The following USP45 variants were observed in gnomAD, a reference collection of about 807,000 sequenced individuals.
The protein encoded by USP45 is ubiquitin specific peptidase 45.
A neutral mutation model predicts 95.8 loss-of-function variants in USP45; 89 were observed. That is an observed-to-expected ratio of 0.93 (90% CI 0.78 to 1.11). The LOEUF is 1.11. USP45 is among the 50% of genes least tolerant of loss of function. USP45 has a pLI of 0.00. For synonymous variants in USP45, 281 were observed against 316.2 expected, an observed-to-expected ratio of 0.89 and a Z score of 1.18; for missense variants, 898 against 942.5, an observed-to-expected ratio of 0.95 and a Z score of 0.62.
intron 13 of USP45, among the ~76,000 whole-genome samples, chr6:99,452,228 T>G (rs750400630): frequency 6.6e-6 from 1 of 152,062 alleles, no homozygotes; most frequent in East Asian, 1.9e-4. Context: ...GAAACTACCA[T>G]CAGAGTGAAC....
intron 14 of USP45, among the ~76,000 whole-genome samples, chr6:99,445,114 C>T (rs1004202332): frequency 2.0e-5 from 3 of 152,168 alleles, no homozygotes; most frequent in East Asian, 1.9e-4. Context: ...ATTTATCTTA[C>T]GTTGAGTTTA....
At chr6:99,470,281 C>T (rs2128648952) in intron 9 of USP45, among the ~76,000 whole-genome samples, 1 of 152,242 alleles carries the variant, frequency 6.6e-6, no homozygotes, top group East Asian at 1.9e-4. Context: ...TGCCCTGCTG[C>T]CTGGATAAGC....
At position 99,468,534 on chromosome 6, in the gene USP45, T is replaced by A; in HGVS notation, c.1015+3A>T. The A allele has an allele frequency of 6.3e-7, 1 of 1,583,508 alleles. No individual in the cohort carries two copies. Among genetic ancestry groups the A allele is most frequent in the Non-Finnish European group, 8.6e-7 (1 of 1,157,618 alleles). On this transcript the variant is annotated splice_donor_region_variant and intron_variant, in intron 10 of 17. Coordinates refer to ENST00000500704, the MANE Select transcript of USP45 (RefSeq NM_001346022.3). ...AAAAAGTTTTAACAAAGAGTCAACA[T>A]ACCTTTGACTTTTTTTCTAGTTTCA...
At chr6:99,456,243 G>C (rs1785065979) in intron 13 of USP45, among the ~76,000 whole-genome samples, 2 of 151,772 alleles carry the variant, frequency 1.3e-5, no homozygotes, top group Non-Finnish European at 1.5e-5. Context: ...GCTAAAAAGA[G>C]AGGTATGTTA....
In USP45 at chr6:99,445,829, T is replaced by C. The variant is rs761903649; in HGVS notation, c.1943A>G (p.Lys648Arg). The C allele has an allele frequency of 1.3e-6, 2 of 1,585,070 alleles. No individual in the cohort carries two copies. The highest frequency in any genetic ancestry group is 1.4e-5 in the African/African-American group (1 of 73,302). Reference protein sequence around the residue: ...KLLCENCTKNKQKYQEETSFA... With the variant: ...KLLCENCTKNRQKYQEETSFA... ...ACTGGTTTCTTCTTGGTACTTCTGT[T>C]TGTTTTTAGTACAATTCTCACATAG... The change falls in exon 14 of 18, where the codon AAA (lysine) becomes AGA (arginine). Residue 648 changes from lysine (K) to arginine (R), a missense_variant. Coordinates refer to ENST00000500704, the MANE Select transcript of USP45 (RefSeq NM_001346022.3).
intron 8 of USP45, among the ~76,000 whole-genome samples, chr6:99,480,307 G>A (rs759950489): frequency 2.5e-4 from 36 of 143,674 alleles, no homozygotes; most frequent in Non-Finnish European, 4.5e-4. Flanking sequence ...TTGTTAAGAT[G>A]TTGATTCTCC....
chr6:99,486,919 C>T (rs1324180260), intron 7 of USP45, among the ~76,000 whole-genome samples: 3 of 152,134 alleles, frequency 2.0e-5, no homozygotes, highest in African/African-American at 7.2e-5. Context: ...CAGCCAAAGT[C>T]CATCAGAAAC....
chr6:99,506,908 T>TA (rs1283092503), intron 4 of USP45, among the ~76,000 whole-genome samples: 1 of 152,032 alleles, frequency 6.6e-6, no homozygotes, highest in Non-Finnish European at 1.5e-5. Context: ...AGGAAAATGA[T>TA]AGAGAAAAGT....
At chr6:99,465,537 T>C (rs1433277347) in intron 11 of USP45, among the ~76,000 whole-genome samples, 2 of 152,200 alleles carry the variant, frequency 1.3e-5, no homozygotes, top group African/African-American at 4.8e-5. Flanking sequence ...TTATAGATTC[T>C]TTAAGATAAT....
intron 13 of USP45, among the ~76,000 whole-genome samples, chr6:99,449,038 G>A (rs1392973711): frequency 1.3e-5 from 2 of 152,172 alleles, no homozygotes; most frequent in Non-Finnish European, 2.9e-5. Flanking sequence ...AACATGGAAA[G>A]GAACAACTGG....
At chr6:99,487,984 T>C (rs1016140815) in intron 7 of USP45, among the ~76,000 whole-genome samples, 5 of 152,232 alleles carry the variant, frequency 3.3e-5, no homozygotes, top group African/African-American at 1.2e-4. Context: ...TGATATCTTT[T>C]TATTATTTGA....
chr6:99,465,898 T>A (rs956715657), intron 11 of USP45, among the ~76,000 whole-genome samples: 45 of 152,178 alleles, frequency 3.0e-4, no homozygotes, highest in African/African-American at 1.1e-3. Flanking sequence ...AAAATAAAAA[T>A]TATTAAGTTC....
At chr6:99,498,706 T>C (rs187433560) in intron 5 of USP45, among the ~76,000 whole-genome samples, 15 of 152,222 alleles carry the variant, frequency 9.9e-5, no homozygotes, top group African/African-American at 3.1e-4. Context: ...TAAGATTTTA[T>C]TTGCTTTTTT....
chr6:99,501,891 T>C (rs767565133), intron 5 of USP45: 2 of 1,250,320 alleles, frequency 1.6e-6, no homozygotes, highest in Non-Finnish European at 2.1e-6. Context: ...GCGACAAGAG[T>C]GTCTGTTATT....
chr6:99,475,317 CTTT>C (rs34747235), intron 9 of USP45, among the ~76,000 whole-genome samples: 19,919 of 124,724 alleles, frequency 0.16, 1,939 homozygotes, highest in Non-Finnish European at 0.22. Context: ...CTTAAGATTC[CTTT>C]TTTTTTTTTT....
intron 15 of USP45, among the ~76,000 whole-genome samples, chr6:99,440,259 G>A (rs1452631752): frequency 6.6e-6 from 1 of 152,148 alleles, no homozygotes; most frequent in Admixed American, 6.5e-5. Context: ...ATAAAAGGAT[G>A]AGATTAGGTC....
At position 99,434,576 on chromosome 6, in the gene USP45, T is replaced by C. The variant is rs1314251339; in HGVS notation, c.*1140A>G. 1 of 152,162 alleles carries C rather than the reference T, an allele frequency of 6.6e-6. No homozygotes were observed. The highest frequency in any genetic ancestry group is 2.4e-5 in the African/African-American group (1 of 41,438). The allele number at this position is 152,162 out of a possible 1,614,324, so 9.4% of individuals were successfully genotyped here. The stretch of plus-strand genomic sequence containing the variant: ...ATTCTAGAGGGGAAAAATGATATTT[T>C]TGCTATTATTTAAAAAGAAAATCAA... On this transcript the variant is annotated 3_prime_UTR_variant, in exon 18 of 18. Coordinates refer to ENST00000500704, the MANE Select transcript of USP45 (RefSeq NM_001346022.3).
In USP45 at chr6:99,491,532, G is replaced by A. The variant is rs143029195; in HGVS notation, c.479-2712C>T. On this transcript the variant is annotated intron_variant, in intron 5 of 17. Transcript: ENST00000500704. ...AAGCATTACTCAATTTTTTCAGGCT[G>A]TTAACTCTGATTTTACATTTATAAA... 3.6e-4 allele frequency among the ~76,000 whole-genome samples: 55 copies of A among 152,304 alleles called. No homozygotes were observed. In the East Asian group the frequency reaches 9.4e-3, roughly 26 times the overall value.
At chr6:99,515,190 T>A (rs948609547) in intron 1 of USP45, 2 of 152,330 alleles carry the variant, frequency 1.3e-5, no homozygotes, top group African/African-American at 4.8e-5. Context: ...CGCAGCCGCA[T>A]GGACCCGGAG....
Sources: allele counts gnomAD v4.1 joint callset (sites outside exome capture counted in the v4.1 genomes callset), GRCh38; gene constraint gnomAD v4.1.1; transcripts MANE v1.5; gene names NCBI Gene and HGNC (gene_info 2026-07-23, HGNC 2026-07-21).